The following DENND3 variants were observed in gnomAD, a reference collection of about 807,000 sequenced individuals.
DENND3 encodes DENN domain-containing protein 3.
In DENND3, 88 loss-of-function variants were observed where a neutral mutation model predicts 135.1. That is an observed-to-expected ratio of 0.65 (90% CI 0.55 to 0.78). The LOEUF is 0.78. DENND3 is among the 30% of genes least tolerant of loss of function. DENND3 has a pLI of 0.00. For synonymous variants in DENND3, 693 were observed against 712.3 expected, an observed-to-expected ratio of 0.97 and a Z score of 0.43; for missense variants, 1,392 against 1,688.4, an observed-to-expected ratio of 0.82 and a Z score of 3.08.
Position 141,130,928 on chromosome 8 carries a change from G to GC in DENND3, c.102+2122dup, listed in dbSNP as rs747903795. 2.8e-4 allele frequency among the ~76,000 whole-genome samples: 42 copies of GC among 152,188 alleles called. No individual in the cohort carries two copies. The highest frequency in any genetic ancestry group is 7.9e-4 in the Admixed American group (12 of 15,280). On this transcript the variant is annotated intron_variant, in intron 1 of 22. Coordinates refer to ENST00000519811, the MANE Select transcript of DENND3 (RefSeq NM_001352890.3). The surrounding 1 kb of genome is among the most constrained non-coding windows in gnomAD (Gnocchi z 4.2). Reference sequence around the variant, plus strand: ...TCTCAAACTCCTGACCTCACGATCTGCCCGCCTCGGCCTCCCAAAGTGTTG... The same window carrying GC: ...TCTCAAACTCCTGACCTCACGATCTGCCCCGCCTCGGCCTCCCAAAGTGTTG...
At chr8:141,184,946 C>G (rs1232780036) in intron 17 of DENND3, 193 bp from the exon 18 acceptor site, 2 of 606,464 alleles carry the variant, frequency 3.3e-6, no homozygotes, top group Admixed American at 3.1e-5. Flanking sequence ...TCTCACCAGC[C>G]AGCTGCCCCC....
rs555821017 is a variant in DENND3, at chr8:141,158,236, C to T, written c.1196+2266C>T. 78 of 1,289,638 alleles carry T rather than the reference C, an allele frequency of 6.0e-5. No individual in the cohort carries two copies. In the South Asian group the frequency reaches 6.9e-4, roughly 11 times the overall value. The allele number at this position is 1,289,638 out of a possible 1,614,324, so 79.9% of individuals were successfully genotyped here. A position where few individuals can be genotyped will look rare whatever the true frequency, so the allele number is the denominator to read the frequency against. On this transcript the variant is annotated intron_variant, in intron 8 of 22. Transcript: ENST00000519811. ...CTGTTCTGTTGGCAACTGTCCTCTGCGCGAACTTTGAAGGAGACACGTGCT... is the reference window on the plus strand; with the variant it reads ...CTGTTCTGTTGGCAACTGTCCTCTGTGCGAACTTTGAAGGAGACACGTGCT...
rs751390118 is a variant in DENND3, at chr8:141,175,435, G to A, written c.2511G>A (p.Glu837=). 1.2e-6 allele frequency: 2 copies of A among 1,614,212 alleles called. No homozygotes were observed. The highest frequency in any genetic ancestry group is 4.5e-5 in the East Asian group (2 of 44,878). ...CCGAAGGAAGGCCAGGCTACTTGGAGATTTCCACCTTCAGAAATATAGAGG... is the reference window on the plus strand; with the variant it reads ...CCGAAGGAAGGCCAGGCTACTTGGAAATTTCCACCTTCAGAAATATAGAGG... ...LLTEGRPGYL[E]ISTFRNIEEV... is the part of the protein sequence containing the mutation. Residue 837 remains glutamate (E), a synonymous_variant, in exon 14 of 23, where the codon GAG becomes GAA. Transcript: ENST00000519811. The surrounding 1 kb of genome is among the most constrained non-coding windows in gnomAD (Gnocchi z 5.4).
At position 141,130,663 on chromosome 8, in the gene DENND3, A is replaced by G. The variant is rs538119007; in HGVS notation, c.102+1854A>G. On this transcript the variant is annotated intron_variant, in intron 1 of 22. Coordinates refer to ENST00000519811, the MANE Select transcript of DENND3 (RefSeq NM_001352890.3). This position sits in a 1 kb window ranked among gnomAD's most constrained non-coding sequence, Gnocchi z 4.2. ...ATTTAGATGTTTTTTCGGCGGTTCT[A>G]TTTTGAATGTCCAAGGCTTTTAAAT... is the stretch of plus-strand genomic sequence containing the variant. Among the ~76,000 whole-genome samples, 5 of 151,500 alleles carry G rather than the reference A, an allele frequency of 3.3e-5. No homozygotes were observed. In the East Asian group the frequency reaches 5.8e-4, roughly 18 times the overall value.
At chr8:141,133,106 G>T (rs1404957527) in intron 1 of DENND3, among the ~76,000 whole-genome samples, 1 of 152,192 alleles carries the variant, frequency 6.6e-6, no homozygotes, top group East Asian at 1.9e-4. Flanking sequence ...CTGCGGGGTG[G>T]CAGAGACCTT....
intron 4 of DENND3, among the ~76,000 whole-genome samples, chr8:141,143,495 C>T (rs1817709678): frequency 6.6e-6 from 1 of 152,164 alleles, no homozygotes; most frequent in Admixed American, 6.5e-5. Context: ...TCCTCAAACT[C>T]CCGGGCTCAA....
intron 1 of DENND3, among the ~76,000 whole-genome samples, chr8:141,131,740 G>C (rs900519483): frequency 6.6e-6 from 1 of 152,168 alleles, no homozygotes; most frequent in Admixed American, 6.5e-5. Flanking sequence ...GAGTGTTCTG[G>C]TTTTTACTTT....
Position 141,151,612 on chromosome 8 carries a change from C to A in DENND3, c.856-7C>A, listed in dbSNP as rs1277178842. 7 of 1,613,562 alleles carry A rather than the reference C, an allele frequency of 4.3e-6. No individual in the cohort carries two copies. Among genetic ancestry groups the A allele is most frequent in the Non-Finnish European group, 5.9e-6 (7 of 1,179,722 alleles). ...CATGTACTCAGTGCGGCGGGTTCTC[C>A]CCTCAGATCCTGACATGCATCCTGA... On this transcript the variant is annotated splice_region_variant and splice_polypyrimidine_tract_variant and intron_variant, in intron 6 of 22. Coordinates refer to ENST00000519811, the MANE Select transcript of DENND3 (RefSeq NM_001352890.3).
At position 141,160,675 on chromosome 8, in the gene DENND3, C is replaced by G; in HGVS notation, c.1240C>G (p.Leu414Val). ...QLHHELHAAH[L>V]LSSTDLKEGR... ...CCACCATGAGCTGCACGCCGCCCAC[C>G]TCCTCTCCAGCACAGACCTGAAGGA... is the stretch of plus-strand genomic sequence containing the variant. Residue 414 changes from leucine (L) to valine (V), a missense_variant, in exon 9 of 23, where the codon CTC becomes GTC. By Grantham distance (32) the Leu-to-Val change is conservative. Coordinates refer to ENST00000519811, the MANE Select transcript of DENND3 (RefSeq NM_001352890.3). The G allele has an allele frequency of 1.2e-6, 2 of 1,612,556 alleles. No homozygotes were observed. The highest frequency in any genetic ancestry group is 1.7e-6 in the Non-Finnish European group (2 of 1,179,192).
At chr8:141,173,328 A>C (rs1324529707) in intron 13 of DENND3, among the ~76,000 whole-genome samples, 1 of 152,176 alleles carries the variant, frequency 6.6e-6, no homozygotes, top group Non-Finnish European at 1.5e-5. Flanking sequence ...GGTGACTAGA[A>C]AATACCGACG....
chr8:141,150,714 T>A, intron 5 of DENND3, 120 bp from the exon 6 acceptor site: 1 of 1,279,062 alleles, frequency 7.8e-7, no homozygotes. Flanking sequence ...CGTGGCAGCC[T>A]GTGTCTTCAG....
Position 141,137,254 on chromosome 8 carries a change from A to ACAG in DENND3, c.385+464_385+466dup, listed in dbSNP as rs1215448908. ...CTTAGCCTCCCAAAGTGCTGGGATT[A>ACAG]CAGGCGTGAGCCACCGTGCTCGACC... On this transcript the variant is annotated intron_variant, in intron 2 of 22. Transcript: ENST00000519811. This position sits in a 1 kb window ranked among gnomAD's most constrained non-coding sequence, Gnocchi z 4.1. Among the ~76,000 whole-genome samples the ACAG allele has an allele frequency of 6.6e-6, 1 of 152,198 alleles. No individual in the cohort carries two copies. The highest frequency in any genetic ancestry group is 1.5e-5 in the Non-Finnish European group (1 of 68,052).
Position 141,168,097 on chromosome 8 carries a change from A to T in DENND3, c.1847A>T (p.His616Leu). ...AAGTGCGTGCAGGCATACCATGCCCACTTTGTCTCCATGCTGAGCGAGGCC... is the reference window on the plus strand; with the variant it reads ...AAGTGCGTGCAGGCATACCATGCCCTCTTTGTCTCCATGCTGAGCGAGGCC... ...ESKCVQAYHA[H>L]FVSMLSEAMC... The change falls in exon 13 of 23, where the codon CAC becomes CTC. Residue 616 changes from histidine to leucine, a missense_variant. Coordinates refer to ENST00000519811, the MANE Select transcript of DENND3 (RefSeq NM_001352890.3). The surrounding 1 kb of genome is among the most constrained non-coding windows in gnomAD (Gnocchi z 6.2). 1 of 1,614,180 alleles carries T rather than the reference A, an allele frequency of 6.2e-7. No homozygotes were observed. Among genetic ancestry groups the T allele is most frequent in the South Asian group, 1.1e-5 (1 of 91,084 alleles).
At chr8:141,180,919 TTCAGGG>T (rs1277922593) in intron 17 of DENND3, 65 bp downstream of exon 17, 38 of 1,404,124 alleles carry the variant, frequency 2.7e-5, no homozygotes, top group Non-Finnish European at 3.4e-5. Flanking sequence ...TAGGTTTGGG[TTCAGGG>T]TCAGCCCTGA....
At chr8:141,190,571 T>C in intron 20 of DENND3, 154 bp downstream of exon 20, 2 of 1,191,230 alleles carry the variant, frequency 1.7e-6, no homozygotes, top group Non-Finnish European at 1.1e-6. Context: ...CAGCAACCTT[T>C]ACTCCACCTG....
Position 141,174,157 on chromosome 8 carries a change from T to C in DENND3, c.2276-1043T>C, listed in dbSNP as rs1348871689. On this transcript the variant is annotated intron_variant, in intron 13 of 22. Coordinates refer to ENST00000519811, the MANE Select transcript of DENND3 (RefSeq NM_001352890.3). This position sits in a 1 kb window ranked among gnomAD's most constrained non-coding sequence, Gnocchi z 4.6. ...ACGACCTGTTTGGGAGCATGCTTGG[T>C]ACGGCTGGGCTGTGGGGTGGGTAGG... Among the ~76,000 whole-genome samples, 1 of 152,098 alleles carries C rather than the reference T, an allele frequency of 6.6e-6. No homozygotes were observed. The highest frequency in any genetic ancestry group is 2.4e-5 in the African/African-American group (1 of 41,408).
intron 1 of DENND3, among the ~76,000 whole-genome samples, chr8:141,134,761 T>C (rs1412790486): frequency 6.6e-6 from 1 of 152,192 alleles, no homozygotes; most frequent in Non-Finnish European, 1.5e-5. Flanking sequence ...GTCACTGCTG[T>C]GTCTTATTGG....
Position 141,178,096 on chromosome 8 carries a change from C to A in DENND3, c.2736C>A (p.Thr912=). The change falls in exon 16 of 23, where the codon ACC becomes ACA. Residue 912 remains threonine, a synonymous_variant. Transcript: ENST00000519811. ...CTCACTACGTCCAGCAGGCGCTGAC[C>A]AACGTCTTGCTGATGGACGCCGTCG... ...KDPHYVQQAL[T]NVLLMDAVVG... is the part of the protein sequence containing the mutation. The A allele has an allele frequency of 6.2e-7, 1 of 1,611,708 alleles. No homozygotes were observed. The highest frequency in any genetic ancestry group is 8.5e-7 in the Non-Finnish European group (1 of 1,177,970).
intron 14 of DENND3, chr8:141,176,295 A>C (rs1217190762): frequency 1.1e-5 from 3 of 267,142 alleles, no homozygotes; most frequent in East Asian, 7.2e-5. Flanking sequence ...AACAAAAAAA[A>C]AAAAACAAAA....
Sources: gnomAD v4.1 joint callset for allele counts (sites outside exome capture counted in the v4.1 genomes callset) on GRCh38, gnomAD v4.1.1 for gene constraint, Gnocchi (gnomAD v3.1) non-coding constraint, MANE v1.5 for transcripts, NCBI Gene and HGNC (gene_info 2026-07-23, HGNC 2026-07-21) for gene names.